The following FRMD1 variants were observed in gnomAD, a reference collection of about 807,000 sequenced individuals.
The protein encoded by FRMD1 is FERM domain containing 1, also known as FERM domain-containing protein 1.
In FRMD1, 51 loss-of-function variants were observed where a neutral mutation model predicts 54.9. The ratio of observed to expected loss-of-function variants is 0.93; its 90% confidence interval spans 0.74 to 1.17. The LOEUF (loss-of-function observed/expected upper bound fraction) is 1.17. FRMD1 is among the 50% of genes most tolerant of loss of function. The pLI, the probability that FRMD1 is intolerant of heterozygous loss-of-function variation, is 0.00. For missense variants in FRMD1, 729 were observed against 743.0 expected, an observed-to-expected ratio of 0.98 and a Z score of 0.22; for synonymous variants, 324 against 306.4, an observed-to-expected ratio of 1.06 and a Z score of -0.60.
intron 8 of FRMD1, 114 bp from the exon 9 acceptor site, chr6:168,061,171 G>T: frequency 1.9e-6 from 2 of 1,053,362 alleles, no homozygotes; most frequent in Non-Finnish European, 2.7e-6. Context: ...ATGAGGACGT[G>T]GAACAGGCAG....
chr6:168,082,834 T>C (rs1427837048), upstream of FRMD1, among the ~76,000 whole-genome samples: 1 of 152,182 alleles, frequency 6.6e-6, no homozygotes, highest in Non-Finnish European at 1.5e-5. Flanking sequence ...CCCAAGCGGA[T>C]AGTGCAGGGC....
In FRMD1 at chr6:168,091,787, C is replaced by T. The variant is rs762614540; in HGVS notation, c.-12+9638G>A. ...GGGATGCTACTCCGCGGAAGCGAAA[C>T]GCAGTCACCCAGAAACAAAACGGCC... On this transcript the variant is annotated intron_variant, in intron 1 of 12. Transcript: ENST00000644440. Among the ~76,000 whole-genome samples the T allele has an allele frequency of 3.2e-4, 48 of 152,362 alleles. 1 individual carries two copies. Among genetic ancestry groups the T allele is most frequent in the Non-Finnish European group, 2.9e-4 (20 of 68,032 alleles).
At chr6:168,058,571 G>C (rs1268367376) in intron 10 of FRMD1, among the ~76,000 whole-genome samples, 1 of 151,666 alleles carries the variant, frequency 6.6e-6, no homozygotes, top group Non-Finnish European at 1.5e-5. Context: ...GGGTTGGGGG[G>C]TGGGGAGGGC....
At chr6:168,090,171 C>T (rs1276648131) in intron 1 of FRMD1, among the ~76,000 whole-genome samples, 1 of 152,080 alleles carries the variant, frequency 6.6e-6, no homozygotes, top group Non-Finnish European at 1.5e-5. Context: ...CGTCTCCCTC[C>T]TGAATGTTGG....
At chr6:168,079,676 A>T (rs530959389), upstream of FRMD1, among the ~76,000 whole-genome samples, 1 of 152,252 alleles carries the variant, frequency 6.6e-6, no homozygotes, top group South Asian at 2.1e-4. Flanking sequence ...TTCTGCCAGG[A>T]GGGACCCTGG....
At chr6:168,068,007 G>T (rs1484606743) in intron 2 of FRMD1, among the ~76,000 whole-genome samples, 1 of 152,110 alleles carries the variant, frequency 6.6e-6, no homozygotes, top group Non-Finnish European at 1.5e-5. Flanking sequence ...AGCTACTCAG[G>T]GGGCTGAGGC....
chr6:168,069,521 C>T (rs545287544), intron 2 of FRMD1, among the ~76,000 whole-genome samples: 11 of 152,264 alleles, frequency 7.2e-5, no homozygotes, highest in Admixed American at 7.2e-4. Context: ...GCATGAGTGG[C>T]AGATGTTTAG....
intron 6 of FRMD1, 58 bp downstream of exon 6, chr6:168,063,543 C>T (rs112708444): frequency 5.9e-5 from 90 of 1,512,718 alleles, no homozygotes; most frequent in Middle Eastern, 4.3e-4. Flanking sequence ...ATGGGGGCTC[C>T]GTGCATCCCT....
chr6:168,080,837 G>T (rs1405995321), upstream of FRMD1, among the ~76,000 whole-genome samples: 1 of 151,782 alleles, frequency 6.6e-6, no homozygotes, highest in African/African-American at 2.4e-5. Context: ...GTTTGTGCGG[G>T]CGCTGGTGTG....
upstream of FRMD1, chr6:168,081,828 G>A (rs531761508): frequency 5.2e-5 from 18 of 349,196 alleles, no homozygotes; most frequent in South Asian, 2.3e-4. Context: ...GGGGGTGGTC[G>A]GATGGCAGTG....
At chr6:168,057,436 C>T (rs1408838443) in intron 10 of FRMD1, 97 bp from the exon 11 acceptor site, 1 of 1,527,304 alleles carries the variant, frequency 6.5e-7, no homozygotes, top group South Asian at 1.3e-5. Context: ...AGCCACACTC[C>T]CTGCCAATGC....
At chr6:168,079,272 C>T, upstream of FRMD1, 3 of 1,242,306 alleles carry the variant, frequency 2.4e-6, no homozygotes, top group Non-Finnish European at 3.2e-6. Flanking sequence ...GTCAGAGCTG[C>T]AAATAGCTGG....
upstream of FRMD1, among the ~76,000 whole-genome samples, chr6:168,086,184 C>T (rs1183115618): frequency 6.6e-6 from 1 of 152,162 alleles, no homozygotes; most frequent in African/African-American, 2.4e-5. Context: ...GCATGGATGC[C>T]CACATTCCCA....
At chr6:168,062,072 CA>C (rs1473050339) in intron 7 of FRMD1, 91 bp from the exon 8 acceptor site, 1 of 1,404,798 alleles carries the variant, frequency 7.1e-7, no homozygotes, top group Non-Finnish European at 9.6e-7. Flanking sequence ...CCATGGCCCC[CA>C]GGGGGACGAG....
Position 168,058,373 on chromosome 6 carries a change from C to CCA in FRMD1, c.1407+750_1407+751insTG, listed in dbSNP as rs1383350487. Among the ~76,000 whole-genome samples, 16 of 144,176 alleles carry CCA rather than the reference C, an allele frequency of 1.1e-4. No individual in the cohort carries two copies. The South Asian group carries it at 1.6e-3, about 14-fold the overall frequency. The allele number at this position is 144,176 out of a possible 152,430, so 94.6% of individuals were successfully genotyped here. ...TCTCGTGCCCAGCCCTGTTCTCTCT[C>CCA]TCCATCTGCCTCCCGTGCCCAGCCC... On this transcript the variant is annotated intron_variant, in intron 10 of 10. Coordinates refer to ENST00000283309, the MANE Select transcript of FRMD1 (RefSeq NM_024919.6).
rs373960975 is a variant in FRMD1, at chr6:168,067,330, G to A, written c.384+37C>T. ...CCCGTGGCCCAGCACAGCCCACCGC[G>A]GTGCCTGCCCTCTCCCACCCGACAC... On this transcript the variant is annotated intron_variant, in intron 3 of 10. Coordinates refer to ENST00000283309, the MANE Select transcript of FRMD1 (RefSeq NM_024919.6). 9.5e-6 allele frequency: 13 copies of A among 1,367,736 alleles called. No individual in the cohort carries two copies. In the East Asian group the frequency reaches 2.1e-4, roughly 22 times the overall value. 84.7% of individuals were successfully genotyped at this position (1,367,736 alleles called of 1,614,324 possible).
chr6:168,083,337 T>C (rs1800867936), upstream of FRMD1, among the ~76,000 whole-genome samples: 1 of 152,220 alleles, frequency 6.6e-6, no homozygotes, highest in Admixed American at 6.5e-5. Context: ...GGCCGTGACC[T>C]GCCTGCCTTA....
At position 168,056,235 on chromosome 6, in the gene FRMD1, C is replaced by T. The variant is rs1799396478; in HGVS notation, c.*862G>A. On this transcript the variant is annotated 3_prime_UTR_variant, in exon 11 of 11. Transcript: ENST00000283309. ...ACCGAGGTCGCACTACCCGTGGAGC[C>T]CACCGGATCAGAGCAGGTGCCATGC... The T allele has an allele frequency of 6.6e-6, 1 of 152,388 alleles. No homozygotes were observed. The highest frequency in any genetic ancestry group is 2.1e-4 in the South Asian group (1 of 4,834). 9.4% of individuals were successfully genotyped at this position (152,388 alleles called of 1,614,324 possible).
In FRMD1 at chr6:168,067,350, C is replaced by T. The variant is rs773243565; in HGVS notation, c.384+17G>A. 3.1e-5 allele frequency: 48 copies of T among 1,550,420 alleles called. No individual in the cohort carries two copies. The highest frequency in any genetic ancestry group is 6.7e-5 in the East Asian group (3 of 44,468). ...ACCGCGGTGCCTGCCCTCTCCCACCCGACACTCTACACTTACTTCATTTCT... is the reference window on the plus strand; with the variant it reads ...ACCGCGGTGCCTGCCCTCTCCCACCTGACACTCTACACTTACTTCATTTCT... On this transcript the variant is annotated intron_variant, in intron 3 of 10. Coordinates refer to ENST00000283309, the MANE Select transcript of FRMD1 (RefSeq NM_024919.6).
Sources: gnomAD v4.1 joint callset for allele counts (sites outside exome capture counted in the v4.1 genomes callset) on GRCh38, gnomAD v4.1.1 for gene constraint, MANE v1.5 for transcripts, NCBI Gene and HGNC (gene_info 2026-07-23, HGNC 2026-07-21) for gene names.